Variants in ACTL6B observed in about 807,000 individuals in gnomAD.
ACTL6B encodes the protein actin like 6B.
A neutral mutation model predicts 63.3 loss-of-function variants in ACTL6B; 48 were observed. The observed-to-expected ratio is 0.76, with a 90% CI of 0.60 to 0.96. The LOEUF is 0.96. Ranked by LOEUF, ACTL6B falls within the 50% of genes least tolerant of loss-of-function variation. The probability of loss-of-function intolerance (pLI) is 0.00; values close to 1 mark genes in which losing one functional copy is unlikely to be tolerated. For synonymous variants in ACTL6B, 230 were observed against 223.8 expected, an observed-to-expected ratio of 1.03 and a Z score of -0.25; for missense variants, 350 against 572.2, an observed-to-expected ratio of 0.61 and a Z score of 3.96.
Position 100,655,827 on chromosome 7 carries a change from C to T in ACTL6B, c.78G>A (p.Gly26=). 2.5e-6 allele frequency: 4 copies of T among 1,576,324 alleles called. No homozygotes were observed. Among genetic ancestry groups the T allele is most frequent in the East Asian group, 2.4e-5 (1 of 42,410 alleles). Residue 26 remains glycine, a synonymous_variant, in exon 2 of 14, where the codon GGG becomes GGA. Transcript: ENST00000160382. This position sits in a 1 kb window ranked among gnomAD's most constrained non-coding sequence, Gnocchi z 4.4. ...FDIGSFSVRA[G]YAGEDCPKAD... is the part of the protein sequence containing the mutation. ...CCTTGGGACAGTCCTCCCCAGCGTA[C>T]CCAGCGCGGACTGAGAAGGAGCCAA...
chr7:100,643,682 C>T (rs1035320194), intron 13 of ACTL6B, among the ~76,000 whole-genome samples: 1 of 152,098 alleles, frequency 6.6e-6, no homozygotes, highest in Non-Finnish European at 1.5e-5. Flanking sequence ...CAGTCCTTCC[C>T]CACCAGGTGT....
At chr7:100,650,947 A>G (rs1441216319) in intron 4 of ACTL6B, among the ~76,000 whole-genome samples, 1 of 152,208 alleles carries the variant, frequency 6.6e-6, no homozygotes, top group African/African-American at 2.4e-5. Context: ...TGAAAGACAT[A>G]TGTTTTCAGA....
chr7:100,645,823 G>A (rs1803810237), intron 13 of ACTL6B, among the ~76,000 whole-genome samples: 1 of 152,162 alleles, frequency 6.6e-6, no homozygotes, highest in African/African-American at 2.4e-5. Flanking sequence ...GTAGAGACAA[G>A]GTTTCGTCAT....
In ACTL6B at chr7:100,647,584, C is replaced by A. The variant is rs1803849046; in HGVS notation, c.670-51G>T. On this transcript the variant is annotated intron_variant, in intron 7 of 13. Transcript: ENST00000160382. The surrounding 1 kb of genome is among the most constrained non-coding windows in gnomAD (Gnocchi z 4.4). ...CCTTTCCTAGCCCACCTGACCCCCACCCCCACCTTCCTGGCACTGTTCCCA... is the reference window on the plus strand; with the variant it reads ...CCTTTCCTAGCCCACCTGACCCCCAACCCCACCTTCCTGGCACTGTTCCCA... The A allele has an allele frequency of 7.4e-7, 1 of 1,347,938 alleles. No individual in the cohort carries two copies. 83.5% of individuals were successfully genotyped at this position (1,347,938 alleles called of 1,614,324 possible).
intron 4 of ACTL6B, among the ~76,000 whole-genome samples, chr7:100,654,431 CCATAATAAT>C (rs1339756481): frequency 2.9e-5 from 3 of 103,348 alleles, no homozygotes; most frequent in Admixed American, 1.0e-4. Flanking sequence ...CCAAAGTTGA[CCATAATAAT>C]AATAATAATA....
Position 100,648,684 on chromosome 7 carries a change from G to T in ACTL6B, c.563-22C>A. 1 of 1,613,254 alleles carries T rather than the reference G, an allele frequency of 6.2e-7. No individual in the cohort carries two copies. Among genetic ancestry groups the T allele is most frequent in the South Asian group, 1.1e-5 (1 of 90,992 alleles). The stretch of plus-strand genomic sequence containing the variant: ...ATGCCTAGAAGGAAGGCACTGTCAG[G>T]ACCTGGTCCTCCTGGAGCACCCCCA... On this transcript the variant is annotated intron_variant, in intron 6 of 13. Transcript: ENST00000160382. The surrounding 1 kb of genome is among the most constrained non-coding windows in gnomAD (Gnocchi z 4.4).
chr7:100,648,491 G>T lies in ACTL6B; in HGVS notation c.669+65C>A. The T allele has an allele frequency of 7.3e-7, 1 of 1,368,972 alleles. No individual in the cohort carries two copies. Among genetic ancestry groups the T allele is most frequent in the East Asian group, 2.5e-5 (1 of 39,964 alleles). 84.8% of individuals were successfully genotyped at this position (1,368,972 alleles called of 1,614,324 possible). ...TGCTCTGATATCTCATGTGTCAGAG[G>T]GTTGACGGCCATGGGGCGAGTGGCC... On this transcript the variant is annotated intron_variant, in intron 7 of 13. Coordinates refer to ENST00000160382, the MANE Select transcript of ACTL6B (RefSeq NM_016188.5). This position sits in a 1 kb window ranked among gnomAD's most constrained non-coding sequence, Gnocchi z 4.4.
Position 100,656,425 on chromosome 7 carries a change from G to T in ACTL6B, c.-71C>A. On this transcript the variant is annotated 5_prime_UTR_variant, in exon 1 of 14. Coordinates refer to ENST00000160382, the MANE Select transcript of ACTL6B (RefSeq NM_016188.5). ...GCACCGAGGCGGCCGGACAGCTCCC[G>T]GGATCCCTGGCGGGGCGGGACTCTC... The T allele has an allele frequency of 7.9e-7, 1 of 1,258,222 alleles. No homozygotes were observed. The highest frequency in any genetic ancestry group is 2.8e-5 in the South Asian group (1 of 35,480). 77.9% of individuals were successfully genotyped at this position (1,258,222 alleles called of 1,614,324 possible). A position where few individuals can be genotyped will look rare whatever the true frequency, so the allele number is the denominator to read the frequency against.
intron 1 of ACTL6B, 97 bp downstream of exon 1, chr7:100,656,233 C>T: frequency 7.8e-7 from 1 of 1,289,458 alleles, no homozygotes; most frequent in Non-Finnish European, 1.0e-6. Context: ...CCCGCTCGTG[C>T]GCGGAGGTGA....
intron 13 of ACTL6B, among the ~76,000 whole-genome samples, chr7:100,644,141 C>T (rs1042345742): frequency 6.6e-6 from 1 of 152,190 alleles, no homozygotes; most frequent in Non-Finnish European, 1.5e-5. Flanking sequence ...CTCAGATGAT[C>T]CGCCCGCCTC....
chr7:100,648,922 C>T lies in ACTL6B; in HGVS notation c.468-99G>A, dbSNP rs1333882706. On this transcript the variant is annotated intron_variant, in intron 5 of 13. Coordinates refer to ENST00000160382, the MANE Select transcript of ACTL6B (RefSeq NM_016188.5). The surrounding 1 kb of genome is among the most constrained non-coding windows in gnomAD (Gnocchi z 4.4). ...CTCTCTGCTCTACCGGGGTCCAGCC[C>T]ATCCCCAGTCTGCAAATCTCTCCCC... The T allele has an allele frequency of 1.1e-5, 13 of 1,168,374 alleles. No homozygotes were observed. Among genetic ancestry groups the T allele is most frequent in the Non-Finnish European group, 1.5e-5 (13 of 846,504 alleles). The allele number at this position is 1,168,374 out of a possible 1,614,324, so 72.4% of individuals were successfully genotyped here.
chr7:100,643,978 C>T (rs1584466500), intron 13 of ACTL6B, among the ~76,000 whole-genome samples: 2 of 152,190 alleles, frequency 1.3e-5, no homozygotes, highest in African/African-American at 4.8e-5. Flanking sequence ...TGGCTCACTG[C>T]AGCCTCCGCC....
In ACTL6B at chr7:100,648,937, A is replaced by G; in HGVS notation, c.468-114T>C. The G allele has an allele frequency of 1.0e-6, 1 of 975,404 alleles. No individual in the cohort carries two copies. 60.4% of individuals were successfully genotyped at this position (975,404 alleles called of 1,614,324 possible). The stretch of plus-strand genomic sequence containing the variant: ...GGGTCCAGCCCATCCCCAGTCTGCA[A>G]ATCTCTCCCCCTGGTGATGACTCAT... On this transcript the variant is annotated intron_variant, in intron 5 of 13. Coordinates refer to ENST00000160382, the MANE Select transcript of ACTL6B (RefSeq NM_016188.5). The surrounding 1 kb of genome is among the most constrained non-coding windows in gnomAD (Gnocchi z 4.4).
chr7:100,650,229 A>C (rs1258365967), intron 4 of ACTL6B, 94 bp from the exon 5 acceptor site: 3 of 960,926 alleles, frequency 3.1e-6, no homozygotes, highest in Non-Finnish European at 4.9e-6. Flanking sequence ...ACATACACTC[A>C]CGGTCACACA....
At chr7:100,645,333 G>T (rs1034324098) in intron 13 of ACTL6B, among the ~76,000 whole-genome samples, 1 of 151,946 alleles carries the variant, frequency 6.6e-6, no homozygotes, top group East Asian at 1.9e-4. Flanking sequence ...ACCACCTCCT[G>T]CCCCAGAACC....
Position 100,646,442 on chromosome 7 carries a change from T to C in ACTL6B, c.1114-107A>G. 1 of 1,548,000 alleles carries C rather than the reference T, an allele frequency of 6.5e-7. No homozygotes were observed. The highest frequency in any genetic ancestry group is 8.9e-7 in the Non-Finnish European group (1 of 1,123,918). Reference sequence around the variant, plus strand: ...GAAGCCACAGGGGCAGGGGTTCTGCTCTGGTGGCCAGAACAGAAGGAAGGA... The same window carrying C: ...GAAGCCACAGGGGCAGGGGTTCTGCCCTGGTGGCCAGAACAGAAGGAAGGA... On this transcript the variant is annotated intron_variant, in intron 12 of 13. Transcript: ENST00000160382. This position sits in a 1 kb window ranked among gnomAD's most constrained non-coding sequence, Gnocchi z 6.1.
chr7:100,648,454 C>A lies in ACTL6B; in HGVS notation c.669+102G>T. ...ACTGGAGCCAGGACCCACTGGGGAGCCTGCTGCTCTCTGCTCTGATATCTC... is the reference window on the plus strand; with the variant it reads ...ACTGGAGCCAGGACCCACTGGGGAGACTGCTGCTCTCTGCTCTGATATCTC... On this transcript the variant is annotated intron_variant, in intron 7 of 13. Coordinates refer to ENST00000160382, the MANE Select transcript of ACTL6B (RefSeq NM_016188.5). This position sits in a 1 kb window ranked among gnomAD's most constrained non-coding sequence, Gnocchi z 4.4. The A allele has an allele frequency of 9.7e-7, 1 of 1,036,264 alleles. No individual in the cohort carries two copies. The highest frequency in any genetic ancestry group is 1.4e-6 in the Non-Finnish European group (1 of 732,718). The allele number at this position is 1,036,264 out of a possible 1,614,324, so 64.2% of individuals were successfully genotyped here.
Position 100,648,276 on chromosome 7 carries a change from C to T in ACTL6B, c.669+280G>A, listed in dbSNP as rs1420701831. The stretch of plus-strand genomic sequence containing the variant: ...CCTGACCGGTCCTGCAGCTCTTGCA[C>T]GGCAGAGGCAGAACTTGAACCTGGG... On this transcript the variant is annotated intron_variant, in intron 7 of 13. Transcript: ENST00000160382. This position sits in a 1 kb window ranked among gnomAD's most constrained non-coding sequence, Gnocchi z 4.4. 1.5e-5 allele frequency: 4 copies of T among 267,644 alleles called. No individual in the cohort carries two copies. The highest frequency in any genetic ancestry group is 7.8e-5 in the East Asian group (1 of 12,902). The allele number at this position is 267,644 out of a possible 1,614,324, so 16.6% of individuals were successfully genotyped here. A position where few individuals can be genotyped will look rare whatever the true frequency, so the allele number is the denominator to read the frequency against.
At position 100,646,061 on chromosome 7, in the gene ACTL6B, A is replaced by G. The variant is rs1319783177; in HGVS notation, c.1200+188T>C. ...GCTGGGATGACAGGTGTGGGCCACC[A>G]TACCGGGCCCCTGCCCCCCGATTTG... On this transcript the variant is annotated intron_variant, in intron 13 of 13. Coordinates refer to ENST00000160382, the MANE Select transcript of ACTL6B (RefSeq NM_016188.5). This position sits in a 1 kb window ranked among gnomAD's most constrained non-coding sequence, Gnocchi z 6.1. 6.6e-6 allele frequency among the ~76,000 whole-genome samples: 1 copy of G among 152,224 alleles called. No individual in the cohort carries two copies. The highest frequency in any genetic ancestry group is 6.5e-5 in the Admixed American group (1 of 15,280).
Sources: allele counts gnomAD v4.1 joint callset (sites outside exome capture counted in the v4.1 genomes callset), GRCh38; gene constraint gnomAD v4.1.1; non-coding constraint Gnocchi (gnomAD v3.1); transcripts MANE v1.5; gene names NCBI Gene and HGNC (gene_info 2026-07-23, HGNC 2026-07-21).